The following GALNT13 variants were observed in gnomAD, a reference collection of about 807,000 sequenced individuals.
GALNT13 encodes the protein polypeptide N-acetylgalactosaminyltransferase 13.
In GALNT13, 28 loss-of-function variants were observed where a neutral mutation model predicts 64.2. The ratio of observed to expected loss-of-function variants is 0.44; its 90% CI spans 0.32 to 0.60. The LOEUF (loss-of-function observed/expected upper bound fraction) is 0.60. Among genes scored for constraint, GALNT13 ranks in the 20% least tolerant of loss-of-function variants. The probability of loss-of-function intolerance (pLI) is 0.05; values close to 1 mark genes in which losing one functional copy is unlikely to be tolerated. For missense variants in GALNT13, 577 were observed against 669.8 expected, an observed-to-expected ratio of 0.86 and a Z score of 1.53; for synonymous variants, 214 against 224.6, an observed-to-expected ratio of 0.95 and a Z score of 0.42.
At chr2:153,324,008 T>A in the GALNT13 span, among the ~76,000 whole-genome samples, 96 of 152,236 alleles carry the variant, frequency 6.3e-4, 6 homozygotes, top group Non-Finnish European at 1.2e-4. Context: ...TAAAGTAGTT[T>A]TTTTCTAATT....
the GALNT13 span, among the ~76,000 whole-genome samples, chr2:153,525,689 A>C: frequency 6.6e-6 from 1 of 152,154 alleles, no homozygotes; most frequent in Non-Finnish European, 1.5e-5. Flanking sequence ...TGTTCCATGA[A>C]ACATCCCTAG....
At chr2:154,206,110 G>A (rs748039305) in intron 4 of GALNT13, among the ~76,000 whole-genome samples, 38 of 151,682 alleles carry the variant, frequency 2.5e-4, no homozygotes, top group South Asian at 1.0e-3. Context: ...CCATTCTCCC[G>A]CCTCAGCCTC....
intron 9 of GALNT13, among the ~76,000 whole-genome samples, chr2:154,345,688 T>C (rs1696030979): frequency 6.6e-6 from 1 of 152,026 alleles, no homozygotes; most frequent in Admixed American, 6.6e-5. Flanking sequence ...TCCTAATAAT[T>C]ATAGAAATTC....
intron 3 of GALNT13, among the ~76,000 whole-genome samples, chr2:154,019,602 C>CCACACACACA (rs67316542): frequency 5.5e-5 from 7 of 126,498 alleles, no homozygotes; most frequent in African/African-American, 9.5e-5. Context: ...GAGTAAGACT[C>CCACACACACA]CACACACACA....
At chr2:154,271,220 A>G (rs1691337335) in intron 8 of GALNT13, among the ~76,000 whole-genome samples, 1 of 151,982 alleles carries the variant, frequency 6.6e-6, no homozygotes, top group Non-Finnish European at 1.5e-5. Flanking sequence ...TTAAAATGTA[A>G]TAAAGATACA....
At chr2:153,664,058 G>A in the GALNT13 span, among the ~76,000 whole-genome samples, 84 of 152,246 alleles carry the variant, frequency 5.5e-4, no homozygotes, top group Admixed American at 1.6e-3. Context: ...TCCATGTCCC[G>A]CTGGGCACGT....
the GALNT13 span, among the ~76,000 whole-genome samples, chr2:153,100,029 T>C: frequency 6.6e-6 from 1 of 152,230 alleles, no homozygotes; most frequent in Non-Finnish European, 1.5e-5. Context: ...AAAATTCTTA[T>C]ATGATCCTCA....
At chr2:153,155,144 G>C in the GALNT13 span, among the ~76,000 whole-genome samples, 1 of 152,170 alleles carries the variant, frequency 6.6e-6, no homozygotes, top group Admixed American at 6.5e-5. Context: ...TTTTGTTGAA[G>C]AGTTTTGCAT....
chr2:153,375,903 T>G, the GALNT13 span, among the ~76,000 whole-genome samples: 1 of 152,168 alleles, frequency 6.6e-6, no homozygotes, highest in East Asian at 1.9e-4. Flanking sequence ...TGTCTGCTTC[T>G]GGTGAGGGCT....
the GALNT13 span, among the ~76,000 whole-genome samples, chr2:153,771,718 T>A: frequency 6.6e-6 from 1 of 152,074 alleles, no homozygotes; most frequent in African/African-American, 2.4e-5. Flanking sequence ...CCTGGAAATA[T>A]GTCTAGTCAT....
the GALNT13 span, among the ~76,000 whole-genome samples, chr2:153,168,316 T>C: frequency 2.0e-5 from 3 of 152,356 alleles, no homozygotes; most frequent in Admixed American, 6.5e-5. Context: ...TTGACTAATA[T>C]TGACTTACCG....
At position 154,043,704 on chromosome 2, in the gene GALNT13, G is replaced by T. The variant is rs375405285; in HGVS notation, c.143-96633G>T. On this transcript the variant is annotated intron_variant, in intron 3 of 12. Coordinates refer to ENST00000392825, the MANE Select transcript of GALNT13 (RefSeq NM_052917.4). ...TGACTTGCATAGGAAGAGACACAAG[G>T]TCTAGTACTATTTTCAAAAAATCAG... Among the ~76,000 whole-genome samples, 6 of 151,980 alleles carry T rather than the reference G, an allele frequency of 3.9e-5. No individual in the cohort carries two copies. In the East Asian group the frequency reaches 7.8e-4, roughly 20 times the overall value.
intron 3 of GALNT13, among the ~76,000 whole-genome samples, chr2:154,128,038 C>T (rs1248418113): frequency 6.6e-6 from 1 of 151,820 alleles, no homozygotes; most frequent in South Asian, 2.1e-4. Context: ...ATGCCCTTGA[C>T]CTTATGATGT....
the GALNT13 span, among the ~76,000 whole-genome samples, chr2:153,094,483 A>G: frequency 1.3e-5 from 2 of 152,220 alleles, no homozygotes; most frequent in African/African-American, 2.4e-5. Context: ...TAGAGATTCA[A>G]TGCCATCCCC....
chr2:154,360,685 T>C (rs1697016422), intron 9 of GALNT13, among the ~76,000 whole-genome samples: 1 of 152,166 alleles, frequency 6.6e-6, no homozygotes, highest in Non-Finnish European at 1.5e-5. Flanking sequence ...AATGTGACTA[T>C]TCAGTATATC....
chr2:154,450,841 C>A lies in GALNT13; in HGVS notation c.*290C>A. The A allele has an allele frequency of 4.1e-6, 1 of 246,424 alleles. No homozygotes were observed. Among genetic ancestry groups the A allele is most frequent in the Non-Finnish European group, 7.8e-6 (1 of 128,472 alleles). The allele number at this position is 246,424 out of a possible 1,614,324, so 15.3% of individuals were successfully genotyped here. ...AGAAAAATGTTTATTGCACTCATGT[C>A]ATAGGGTTAATTGGAGGTTATTTTA... On this transcript the variant is annotated 3_prime_UTR_variant, in exon 13 of 13. Transcript: ENST00000392825.
chr2:153,234,442 C>A, the GALNT13 span, among the ~76,000 whole-genome samples: 1 of 152,134 alleles, frequency 6.6e-6, no homozygotes, highest in East Asian at 1.9e-4. Context: ...GGTACTCTAG[C>A]TGGTCCCACC....
rs187445795 is a variant in GALNT13 at position 154,437,319 on chromosome 2, T to C, written c.1396-1273T>C. On this transcript the variant is annotated intron_variant, in intron 11 of 12. Transcript: ENST00000392825. ...TTTTCATAGAAGTTCTGAGTAGCAATGCTGCAGAGGCAACTCTTCCAAGAC... is the reference window on the plus strand; with the variant it reads ...TTTTCATAGAAGTTCTGAGTAGCAACGCTGCAGAGGCAACTCTTCCAAGAC... The C allele has an allele frequency of 2.2e-3, 448 of 205,926 alleles. 1 individual carries two copies. The highest frequency in any genetic ancestry group is 6.3e-3 in the Middle Eastern group (3 of 480). The allele number at this position is 205,926 out of a possible 1,614,324, so 12.8% of individuals were successfully genotyped here. A position where few individuals can be genotyped will look rare whatever the true frequency, so the allele number is the denominator to read the frequency against.
intron 4 of GALNT13, among the ~76,000 whole-genome samples, chr2:154,154,008 C>A (rs186516933): frequency 8.5e-5 from 13 of 152,352 alleles, no homozygotes; most frequent in African/African-American, 3.1e-4. Context: ...ATGCAGAAAT[C>A]ACCCATCTTC....
Sources: gnomAD v4.1 joint callset for allele counts (sites outside exome capture counted in the v4.1 genomes callset) on GRCh38, gnomAD v4.1.1 for gene constraint, MANE v1.5 for transcripts, NCBI Gene and HGNC (gene_info 2026-07-23, HGNC 2026-07-21) for gene names.